The following POC5 variants were observed in gnomAD, a reference collection of about 807,000 sequenced individuals.
POC5 encodes centrosomal protein POC5.
In POC5, 48 loss-of-function variants were observed where a neutral mutation model predicts 62.9. That is an observed-to-expected ratio of 0.76 (90% CI 0.61 to 0.97). The LOEUF is 0.97. Among genes scored for constraint, POC5 ranks in the 50% least tolerant of loss-of-function variants. The probability of loss-of-function intolerance (pLI) is 0.00; values close to 1 mark genes in which losing one functional copy is unlikely to be tolerated. For synonymous variants in POC5, 236 were observed against 228.2 expected (o/e 1.03, Z -0.31); for missense variants, 696 against 679.5 (o/e 1.02, Z -0.27).
intron 2 of POC5, among the ~76,000 whole-genome samples, chr5:75,708,846 T>G (rs1777229092): frequency 6.6e-6 from 1 of 152,196 alleles, no homozygotes; most frequent in African/African-American, 2.4e-5. Flanking sequence ...TTCTTCTTTT[T>G]TTTTGAGATG....
chr5:75,686,077 T>C (rs1385215017), intron 9 of POC5, among the ~76,000 whole-genome samples: 1 of 152,216 alleles, frequency 6.6e-6, no homozygotes, highest in Non-Finnish European at 1.5e-5. Flanking sequence ...ATATAAATCA[T>C]AAGAGCATAT....
intron 5 of POC5, among the ~76,000 whole-genome samples, chr5:75,697,806 C>T (rs1374845613): frequency 6.6e-6 from 1 of 150,658 alleles, no homozygotes; most frequent in Non-Finnish European, 1.5e-5. Context: ...CATCAGTGTG[C>T]TGTATTCAGG....
chr5:75,698,046 A>T (rs545910843), intron 5 of POC5, among the ~76,000 whole-genome samples: 46 of 144,830 alleles, frequency 3.2e-4, no homozygotes, highest in African/African-American at 1.1e-3. Flanking sequence ...CACCCAATAC[A>T]AGAGCACCCA....
At position 75,702,585 on chromosome 5, in the gene POC5, G is replaced by A. The variant is rs574282490; in HGVS notation, c.513+20C>T. The A allele has an allele frequency of 1.9e-6, 3 of 1,599,262 alleles. No homozygotes were observed. In the Admixed American group the frequency reaches 5.1e-5, roughly 27 times the overall value. ...CATTACATACTAAACAACTGTAATT[G>A]AAGAACTGCTGTACCGTACCTTAAG... is the stretch of plus-strand genomic sequence containing the variant. On this transcript the variant is annotated intron_variant, in intron 5 of 11. Coordinates refer to ENST00000428202, the MANE Select transcript of POC5 (RefSeq NM_001099271.2).
chr5:75,686,030 T>C (rs997388769), intron 9 of POC5, among the ~76,000 whole-genome samples: 2 of 152,162 alleles, frequency 1.3e-5, no homozygotes, highest in Non-Finnish European at 2.9e-5. Flanking sequence ...TCTTCACTTT[T>C]TACACTGTAA....
intron 5 of POC5, among the ~76,000 whole-genome samples, chr5:75,700,025 C>G (rs1349096990): frequency 2.0e-5 from 3 of 151,708 alleles, no homozygotes; most frequent in Non-Finnish European, 4.4e-5. Context: ...TGGGAAGGAC[C>G]TCTTCAAGGA....
intron 9 of POC5, among the ~76,000 whole-genome samples, chr5:75,687,062 G>A (rs1404719216): frequency 1.3e-5 from 2 of 150,312 alleles, no homozygotes; most frequent in African/African-American, 4.9e-5. Flanking sequence ...AGATAGTCTC[G>A]CTCTGTCGCC....
intron 10 of POC5, among the ~76,000 whole-genome samples, chr5:75,679,242 T>C (rs555716406): frequency 8.5e-5 from 13 of 152,190 alleles, no homozygotes; most frequent in Admixed American, 3.3e-4. Context: ...GAGGTAGTTA[T>C]ATTCTTATAA....
rs1776049518 is a variant in POC5 at position 75,685,208 on chromosome 5, A to G, written c.1406T>C (p.Met469Thr). 2 of 1,606,928 alleles carry G rather than the reference A, an allele frequency of 1.2e-6. No individual in the cohort carries two copies. The highest frequency in any genetic ancestry group is 1.7e-6 in the Non-Finnish European group (2 of 1,176,538). The change falls in exon 10 of 12, where the codon ATG (methionine) becomes ACG (threonine). Residue 469 changes from methionine to threonine, a missense_variant and splice_region_variant. Transcript: ENST00000428202. ...GGGACCTGTATAAACTGTACTAACC[A>G]TTTCTTCTGATGCAGCAGTAGCTGC... Reference protein sequence around the residue: ...GSAATAASEEMYVPRVVTSAQ... With the variant: ...GSAATAASEETYVPRVVTSAQ...
intron 8 of POC5, chr5:75,689,550 G>A (rs1776232228): frequency 1.4e-5 from 14 of 977,032 alleles, no homozygotes; most frequent in South Asian, 1.4e-4. Context: ...CTACATGCCT[G>A]CAATATTAAC....
chr5:75,701,309 T>C (rs1776869294), intron 5 of POC5, among the ~76,000 whole-genome samples: 1 of 127,462 alleles, frequency 7.8e-6, no homozygotes, highest in South Asian at 2.9e-4. Context: ...AGCAAAGACT[T>C]GGAACCAACC....
chr5:75,679,755 G>A (rs1775803420), intron 10 of POC5, among the ~76,000 whole-genome samples: 1 of 152,146 alleles, frequency 6.6e-6, no homozygotes, highest in Non-Finnish European at 1.5e-5. Flanking sequence ...GGAGGATAAG[G>A]AAAGTGAAGA....
At chr5:75,676,538 G>A (rs1040596044) in intron 11 of POC5, among the ~76,000 whole-genome samples, 1 of 129,492 alleles carries the variant, frequency 7.7e-6, no homozygotes, top group African/African-American at 2.7e-5. Context: ...CTAGTGCCCA[G>A]CTAGTACTCG....
At chr5:75,683,236 GTTGTTT>G (rs1289967795) in intron 10 of POC5, among the ~76,000 whole-genome samples, 1 of 57,246 alleles carries the variant, frequency 1.7e-5, no homozygotes, top group Non-Finnish European at 3.2e-5. Flanking sequence ...AGTTAACAGT[GTTGTTT>G]TTTTTTTTTT....
In POC5 at chr5:75,674,354, A is replaced by G; in HGVS notation, c.*81T>C. ...GATGTCTCCATGATGTTCTAACAAT[A>G]TGGAAAAGTTAAAACCAAAAGACTT... On this transcript the variant is annotated 3_prime_UTR_variant, in exon 12 of 12. Transcript: ENST00000428202. The G allele has an allele frequency of 7.0e-7, 1 of 1,421,858 alleles. No individual in the cohort carries two copies. 88.1% of individuals were successfully genotyped at this position (1,421,858 alleles called of 1,614,324 possible). A position where few individuals can be genotyped will look rare whatever the true frequency, so the allele number is the denominator to read the frequency against.
At chr5:75,705,900 C>A in intron 3 of POC5, 113 bp from the exon 4 acceptor site, 1 of 613,484 alleles carries the variant, frequency 1.6e-6, no homozygotes, top group Non-Finnish European at 2.7e-6. Context: ...AAACAAAATA[C>A]AACATGCTGG....
At position 75,674,299 on chromosome 5, in the gene POC5, A is replaced by G. The variant is rs1488364543; in HGVS notation, c.*136T>C. 4 of 808,038 alleles carry G rather than the reference A, an allele frequency of 5.0e-6. No homozygotes were observed. Among genetic ancestry groups the G allele is most frequent in the Non-Finnish European group, 5.6e-6 (3 of 540,466 alleles). 50.1% of individuals were successfully genotyped at this position (808,038 alleles called of 1,614,324 possible). A position where few individuals can be genotyped will look rare whatever the true frequency, so the allele number is the denominator to read the frequency against. The stretch of plus-strand genomic sequence containing the variant: ...TACAAAGCATGGTAGAGCTTGAAAA[A>G]GCCTCTTGTAATTTTGAACAGATGA... On this transcript the variant is annotated 3_prime_UTR_variant, in exon 12 of 12. Coordinates refer to ENST00000428202, the MANE Select transcript of POC5 (RefSeq NM_001099271.2).
At chr5:75,683,242 T>G (rs1292891) in intron 10 of POC5, among the ~76,000 whole-genome samples, 1 of 9,412 alleles carries the variant, frequency 1.1e-4, no homozygotes, top group Non-Finnish European at 1.9e-4. Context: ...CAGTGTTGTT[T>G]TTTTTTTTTT....
At chr5:75,690,635 A>C in intron 7 of POC5, 73 bp from the exon 8 acceptor site, 1 of 1,184,192 alleles carries the variant, frequency 8.4e-7, no homozygotes, top group East Asian at 2.6e-5. Context: ...AATAAACATA[A>C]CATGGTGGTA....
Sources: allele counts gnomAD v4.1 joint callset (sites outside exome capture counted in the v4.1 genomes callset), GRCh38; gene constraint gnomAD v4.1.1; transcripts MANE v1.5; gene names NCBI Gene and HGNC (gene_info 2026-07-23, HGNC 2026-07-21).